Variants in PRAMEF15 observed in about 807,000 individuals in gnomAD.
PRAMEF15 encodes PRAME family member 9/15.
PRAMEF15 carries 21 observed loss-of-function variants against 35.3 expected under a neutral mutation model. That is an observed-to-expected ratio of 0.59 (90% CI 0.42 to 0.86). PRAMEF15 has a LOEUF of 0.86. Ranked by LOEUF, PRAMEF15 falls within the 40% of genes least tolerant of loss-of-function variation. PRAMEF15 has a pLI of 0.00. For missense variants in PRAMEF15, 360 were observed against 574.1 expected (o/e 0.63, Z 3.81); for synonymous variants, 122 against 223.3 (o/e 0.55, Z 4.05).
Position 13,319,541 on chromosome 1 carries a change from C to T in PRAMEF15, c.463C>T (p.Leu155Phe), listed in dbSNP as rs1441632021. The T allele has an allele frequency of 1.2e-6, 2 of 1,613,918 alleles. No homozygotes were observed. Among genetic ancestry groups the T allele is most frequent in the East Asian group, 4.5e-5 (2 of 44,884 alleles). Residue 155 changes from leucine (L) to phenylalanine (F), a missense_variant, in exon 3 of 4, where the codon CTT becomes TTT. By Grantham distance (22) the Leu-to-Phe change is conservative. Coordinates refer to ENST00000376152, the MANE Select transcript of PRAMEF15 (RefSeq NM_001098376.3). Reference sequence around the variant, plus strand: ...GCAGCCCTTGACTGTGTTCGTAGAACTTTGGCTCAAGAACAGGACTCTGGA... The same window carrying T: ...GCAGCCCTTGACTGTGTTCGTAGAATTTTGGCTCAAGAACAGGACTCTGGA... ...GRQPLTVFVE[L>F]WLKNRTLDEY...
chr1:13,317,867 G>A (rs1273334301), intron 1 of PRAMEF15, among the ~76,000 whole-genome samples: 5 of 149,122 alleles, frequency 3.4e-5, no homozygotes, highest in African/African-American at 4.9e-5. Flanking sequence ...GAGAGAGAGG[G>A]GGAAAGAAAG....
chr1:13,316,165 G>C, intron 1 of PRAMEF15, among the ~76,000 whole-genome samples: 1 of 151,582 alleles, frequency 6.6e-6, no homozygotes, highest in South Asian at 2.1e-4. Context: ...AACCATGCCT[G>C]GCTAAGTTTT....
At position 13,319,344 on chromosome 1, in the gene PRAMEF15, T is replaced by A. The variant is rs1569793563; in HGVS notation, c.294-28T>A. ...TAAGTTCAGAAATGAGTTCTTAAAT[T>A]CTCAGTCTCACCTCTATTTTGCCAC... On this transcript the variant is annotated intron_variant, in intron 2 of 3. Transcript: ENST00000376152. 3 of 1,607,840 alleles carry A rather than the reference T, an allele frequency of 1.9e-6. No individual in the cohort carries two copies. The East Asian group carries it at 6.7e-5, about 36-fold the overall frequency.
intron 2 of PRAMEF15, 87 bp from the exon 3 acceptor site, chr1:13,319,285 G>A (rs962707747): frequency 2.5e-6 from 4 of 1,586,822 alleles, no homozygotes; most frequent in Non-Finnish European, 3.4e-6. Flanking sequence ...CAACAAGCAG[G>A]GAGGGGAGGA....
In PRAMEF15 at chr1:13,322,117, G is replaced by A; in HGVS notation, c.1290G>A (p.Trp430Ter). The A allele has an allele frequency of 4.3e-6, 7 of 1,609,510 alleles. No homozygotes were observed. Among genetic ancestry groups the A allele is most frequent in the Non-Finnish European group, 5.9e-6 (7 of 1,179,060 alleles). Residue 430 changes from tryptophan to a stop codon, truncating the protein, a stop_gained, in exon 4 of 4, where the codon TGG becomes TGA. Coordinates refer to ENST00000376152, the MANE Select transcript of PRAMEF15 (RefSeq NM_001098376.3). LOFTEE classifies it high-confidence loss of function. ...ATGGTGCTGATGGTACTCTCTGCTGGAGCAGATTTGCTCAAATTAGGGCTG... is the reference window on the plus strand; with the variant it reads ...ATGGTGCTGATGGTACTCTCTGCTGAAGCAGATTTGCTCAAATTAGGGCTG... ...ESYGADGTLC[W>*]SRFAQIRAEL...
intron 3 of PRAMEF15, among the ~76,000 whole-genome samples, chr1:13,321,027 C>T (rs1468869743): frequency 6.6e-6 from 1 of 152,002 alleles, no homozygotes; most frequent in East Asian, 1.9e-4. Context: ...AGCCCGCCCA[C>T]CCCAGCTGAT....
chr1:13,318,273 G>A, intron 1 of PRAMEF15, 119 bp from the exon 2 acceptor site: 2 of 1,550,436 alleles, frequency 1.3e-6, no homozygotes, highest in Non-Finnish European at 1.8e-6. Context: ...AGTAGAATTG[G>A]AGTAAACTGA....
At chr1:13,316,015 G>T (rs1386755717) in intron 1 of PRAMEF15, among the ~76,000 whole-genome samples, 15 of 149,882 alleles carry the variant, frequency 1.0e-4, no homozygotes, top group South Asian at 2.1e-4. Context: ...TTTTTTGGGG[G>T]TGGGGATGGA....
chr1:13,320,078 T>A (rs1474445572), intron 3 of PRAMEF15, 125 bp downstream of exon 3: 13 of 1,572,932 alleles, frequency 8.3e-6, no homozygotes, highest in Non-Finnish European at 1.1e-5. Context: ...AGAATGTCCA[T>A]GCATTGTCCT....
intron 3 of PRAMEF15, among the ~76,000 whole-genome samples, 193 bp from the exon 4 acceptor site, chr1:13,321,510 G>T (rs1324530147): frequency 1.4e-4 from 22 of 151,748 alleles, no homozygotes; most frequent in African/African-American, 5.3e-4. Flanking sequence ...TTACTGGGCC[G>T]GGTCTAAAGT....
intron 3 of PRAMEF15, 99 bp downstream of exon 3, chr1:13,320,052 C>G: frequency 2.5e-6 from 4 of 1,598,684 alleles, no homozygotes; most frequent in South Asian, 1.1e-5. Flanking sequence ...GAGGATGAAA[C>G]AGTGAAGAGG....
At chr1:13,320,150 G>A (rs1470085604) in intron 3 of PRAMEF15, among the ~76,000 whole-genome samples, 197 bp downstream of exon 3, 2 of 152,114 alleles carry the variant, frequency 1.3e-5, no homozygotes, top group Non-Finnish European at 2.9e-5. Context: ...AGAGGGATCA[G>A]CTAGGGGAGA....
chr1:13,318,001 A>C (rs1241665768), intron 1 of PRAMEF15, among the ~76,000 whole-genome samples: 81 of 148,452 alleles, frequency 5.5e-4, no homozygotes, highest in South Asian at 1.1e-3. Context: ...TGTTCCCAAC[A>C]AGCTTATTTG....
intron 2 of PRAMEF15, 134 bp from the exon 3 acceptor site, chr1:13,319,238 A>T (rs1640048271): frequency 6.8e-7 from 1 of 1,480,668 alleles, no homozygotes; most frequent in Non-Finnish European, 9.1e-7. Context: ...GCAGGATCCA[A>T]GGGGAAAACA....
At chr1:13,320,105 T>C in intron 3 of PRAMEF15, 152 bp downstream of exon 3, 2 of 1,515,230 alleles carry the variant, frequency 1.3e-6, no homozygotes, top group Non-Finnish European at 1.8e-6. Flanking sequence ...GGCCCTGTCC[T>C]GAAATGGGTA....
At chr1:13,320,603 A>C (rs1640071411) in intron 3 of PRAMEF15, among the ~76,000 whole-genome samples, 1 of 151,804 alleles carries the variant, frequency 6.6e-6, no homozygotes, top group Non-Finnish European at 1.5e-5. Context: ...TTTATATTTT[A>C]AGTAGAGACA....
intron 1 of PRAMEF15, among the ~76,000 whole-genome samples, chr1:13,315,966 C>T (rs1198881965): frequency 1.3e-5 from 2 of 151,314 alleles, no homozygotes; most frequent in Admixed American, 6.6e-5. Context: ...TTGAGACCAA[C>T]CTGGACAACA....
At chr1:13,320,510 G>T (rs1277185397) in intron 3 of PRAMEF15, among the ~76,000 whole-genome samples, 1 of 151,986 alleles carries the variant, frequency 6.6e-6, no homozygotes, top group East Asian at 1.9e-4. Context: ...AGCGACTTCT[G>T]CCTCCCAGGT....
chr1:13,318,177 T>C (rs1569791637), intron 1 of PRAMEF15, among the ~76,000 whole-genome samples: 1 of 152,208 alleles, frequency 6.6e-6, no homozygotes, highest in Non-Finnish European at 1.5e-5. Context: ...GAAGGGCTAG[T>C]GGTGGCCCTG....
Sources: gnomAD v4.1 joint callset for allele counts (sites outside exome capture counted in the v4.1 genomes callset) on GRCh38, gnomAD v4.1.1 for gene constraint, MANE v1.5 for transcripts, NCBI Gene and HGNC (gene_info 2026-07-23, HGNC 2026-07-21) for gene names.